HEPH: variants seen among roughly 807,000 people sequenced by gnomAD.
HEPH encodes the protein hephaestin.
In HEPH, 69 loss-of-function variants were observed where a neutral mutation model predicts 80.8. The observed-to-expected ratio is 0.85, with a 90% CI of 0.70 to 1.04. HEPH has a LOEUF of 1.04. Ranked by LOEUF, HEPH falls within the 50% of genes least tolerant of loss-of-function variation. HEPH has a pLI of 0.00. For synonymous variants in HEPH, 431 were observed against 322.8 expected, an observed-to-expected ratio of 1.34 and a Z score of -3.60; for missense variants, 1,115 against 891.3, an observed-to-expected ratio of 1.25 and a Z score of -3.20.
chrX:66,259,045 A>G, intron 18 of HEPH, 66 bp downstream of exon 18: 8 of 1,088,008 alleles, frequency 7.4e-6, no homozygotes, highest in Non-Finnish European at 9.7e-6. Context: ...GCAATTGAGA[A>G]AAAAGGTAAC....
intron 4 of HEPH, among the ~76,000 whole-genome samples, chrX:66,187,142 T>G (rs776733413): frequency 4.5e-5 from 5 of 110,573 alleles, no homozygotes; most frequent in Non-Finnish European, 7.5e-5. Flanking sequence ...ACTTCTTATT[T>G]TTTTTGTTGT....
intron 15 of HEPH, among the ~76,000 whole-genome samples, chrX:66,253,975 A>G (rs771098210): frequency 2.7e-5 from 3 of 111,339 alleles, no homozygotes; most frequent in African/African-American, 6.5e-5. Context: ...TGAGGGCAGT[A>G]CAGGAGTTTT....
chrX:66,255,052 C>A lies in HEPH; in HGVS notation c.2581C>A (p.Gln861Lys), dbSNP rs964497785. 1 of 1,199,563 alleles carries A rather than the reference C, an allele frequency of 8.3e-7. No homozygotes were observed. Among genetic ancestry groups the A allele is most frequent in the Non-Finnish European group, 1.1e-6 (1 of 888,160 alleles). ...AAEPGEVVTY[Q>K]WNIPERSGPG... ...ACTTCTAGGTGAGGTGGTCACTTAT[C>A]AGTGGAACATCCCAGAGAGGTCTGG... The change falls in exon 16 of 21, where the codon CAG becomes AAG. Residue 861 changes from glutamine (Q) to lysine (K), a missense_variant. Around this residue, in one of 3 missense-constraint regions of HEPH, gnomAD observed 716 missense variants for 523.5 expected, o/e 1.37. Coordinates refer to ENST00000343002, the MANE Select transcript of HEPH (RefSeq NM_001367233.3).
chrX:66,168,424 C>A (rs756452661), intron 1 of HEPH, among the ~76,000 whole-genome samples: 5 of 111,706 alleles, frequency 4.5e-5, no homozygotes, highest in Non-Finnish European at 9.4e-5. Flanking sequence ...TTATTATACC[C>A]ATTTTACAGA....
Position 66,207,402 on chromosome X carries a change from C to T in HEPH, c.2431+68C>T. On this transcript the variant is annotated intron_variant, in intron 14 of 20. Transcript: ENST00000343002. ...CTCCACCTAGGGAAGCTATGTTATACCAGGATGGCCTCACTATTCCCCATT... is the reference window on the plus strand; with the variant it reads ...CTCCACCTAGGGAAGCTATGTTATATCAGGATGGCCTCACTATTCCCCATT... 6 of 832,830 alleles carry T rather than the reference C, an allele frequency of 7.2e-6. No individual in the cohort carries two copies. The South Asian group carries it at 1.9e-4, about 26-fold the overall frequency. The allele number at this position is 832,830 out of a possible 1,213,427, so 68.6% of individuals were successfully genotyped here.
At position 66,203,445 on chromosome X, in the gene HEPH, G is replaced by A. The variant is rs1395610513; in HGVS notation, c.2159G>A (p.Gly720Asp). ...ATCTATAATGTCTCCCAGTGTCCTG[G>A]CCACCAAGCCACCCCTCGCCAACGC... ...RAIYNVSQCP[G>D]HQATPRQRYQ... The change falls in exon 13 of 21, where the codon GGC (glycine) becomes GAC (aspartate). Residue 720 changes from glycine (G) to aspartate (D), a missense_variant. This residue lies in a region of HEPH where 716 missense variants were observed against 523.5 expected (regional missense o/e 1.37). Coordinates refer to ENST00000343002, the MANE Select transcript of HEPH (RefSeq NM_001367233.3). 10 of 1,207,812 alleles carry A rather than the reference G, an allele frequency of 8.3e-6. No homozygotes were observed. The highest frequency in any genetic ancestry group is 1.1e-5 in the Non-Finnish European group (10 of 894,415).
chrX:66,230,362 C>A (rs2090075968), intron 15 of HEPH, among the ~76,000 whole-genome samples: 2 of 100,744 alleles, frequency 2.0e-5, no homozygotes, highest in African/African-American at 8.4e-5. Context: ...CTGACTTCCA[C>A]AATGGTTGAA....
At chrX:66,243,478 G>A (rs1480702807) in intron 15 of HEPH, among the ~76,000 whole-genome samples, 1 of 112,368 alleles carries the variant, frequency 8.9e-6, no homozygotes, top group African/African-American at 3.2e-5. Context: ...TCTGAAATTG[G>A]AATAGCAACT....
chrX:66,257,675 C>T (rs1007977891), intron 17 of HEPH, among the ~76,000 whole-genome samples: 6 of 111,949 alleles, frequency 5.4e-5, no homozygotes, highest in Non-Finnish European at 9.4e-5. Flanking sequence ...TCGGCTATTG[C>T]CCATTTCTGT....
chrX:66,203,119 G>A (rs1276855969), intron 12 of HEPH, among the ~76,000 whole-genome samples: 1 of 109,825 alleles, frequency 9.1e-6, no homozygotes, highest in African/African-American at 3.3e-5. Flanking sequence ...TTATTCTAGC[G>A]GCAGAGTTTA....
intron 15 of HEPH, among the ~76,000 whole-genome samples, chrX:66,249,449 A>G (rs806538): frequency 0.38 from 41,586 of 110,659 alleles, 9,394 homozygotes; most frequent in African/African-American, 0.86. Context: ...TGAGAGTGAG[A>G]AGGTAAGGAA....
At chrX:66,261,080 T>A (rs771309845) in intron 19 of HEPH, among the ~76,000 whole-genome samples, 1 of 111,697 alleles carries the variant, frequency 9.0e-6, no homozygotes, top group African/African-American at 3.3e-5. Flanking sequence ...CCTGGCCTAG[T>A]TTTTATTTTT....
chrX:66,243,070 A>G (rs1232809010), intron 15 of HEPH, among the ~76,000 whole-genome samples: 1 of 111,977 alleles, frequency 8.9e-6, no homozygotes, highest in Admixed American at 9.5e-5. Context: ...GTGCATATTC[A>G]TCACAGCACT....
chrX:66,232,591 G>A (rs2090194601), intron 15 of HEPH, among the ~76,000 whole-genome samples: 2 of 110,732 alleles, frequency 1.8e-5, no homozygotes, highest in Non-Finnish European at 3.8e-5. Context: ...TGGTGCAATG[G>A]GGGCATATGA....
At chrX:66,255,236 T>C (rs1338734385) in intron 16 of HEPH, 95 bp downstream of exon 16, 4 of 488,084 alleles carry the variant, frequency 8.2e-6, no homozygotes, top group Non-Finnish European at 1.4e-5. Flanking sequence ...CCTGAGATTC[T>C]AGAGCCTAGA....
At chrX:66,263,926 C>T (rs1157850564) in intron 20 of HEPH, among the ~76,000 whole-genome samples, 1 of 110,879 alleles carries the variant, frequency 9.0e-6, no homozygotes, top group Non-Finnish European at 1.9e-5. Flanking sequence ...AAACAGCCTC[C>T]TCCCCATTTA....
intron 4 of HEPH, among the ~76,000 whole-genome samples, chrX:66,186,388 T>A (rs1024604649): frequency 9.0e-6 from 1 of 111,114 alleles, no homozygotes; most frequent in Non-Finnish European, 1.9e-5. Context: ...GAGCCAGTTG[T>A]GGGATATAGT....
intron 1 of HEPH, among the ~76,000 whole-genome samples, chrX:66,166,977 A>G (rs906539301): frequency 2.7e-5 from 3 of 112,506 alleles, no homozygotes; most frequent in Non-Finnish European, 3.7e-5. Context: ...AATAGCCACT[A>G]ATACCTTTTG....
chrX:66,186,966 A>C, intron 4 of HEPH, among the ~76,000 whole-genome samples: 1 of 110,990 alleles, frequency 9.0e-6, no homozygotes, highest in Non-Finnish European at 1.9e-5. Context: ...GTTAATTTGA[A>C]GACCTTGTCT....
Sources: allele counts gnomAD v4.1 joint callset (sites outside exome capture counted in the v4.1 genomes callset), GRCh38; gene constraint gnomAD v4.1.1; regional missense constraint gnomAD v4.1.1; transcripts MANE v1.5; gene names NCBI Gene and HGNC (gene_info 2026-07-23, HGNC 2026-07-21).